Variants in SV2C observed in about 807,000 individuals in gnomAD.
SV2C encodes the protein solute carrier family 22 member B3.
SV2C carries 49 observed loss-of-function variants against 79.7 expected under a neutral mutation model. The observed-to-expected ratio is 0.61, with a 90% CI of 0.49 to 0.78. The LOEUF is 0.78. SV2C is among the 30% of genes least tolerant of loss of function. The pLI is 0.00. For synonymous variants in SV2C, 334 were observed against 333.2 expected, an observed-to-expected ratio of 1.00 and a Z score of -0.03; for missense variants, 833 against 912.9, an observed-to-expected ratio of 0.91 and a Z score of 1.13.
chr5:76,258,446 G>C lies in SV2C; in HGVS notation c.914-26716G>C, dbSNP rs376020854. Among the ~76,000 whole-genome samples, 28 of 152,268 alleles carry C rather than the reference G, an allele frequency of 1.8e-4. No individual in the cohort carries two copies. In the South Asian group the frequency reaches 5.4e-3, roughly 29 times the overall value. On this transcript the variant is annotated intron_variant, in intron 4 of 12. Coordinates refer to ENST00000502798, the MANE Select transcript of SV2C (RefSeq NM_014979.4). ...GTTGGTGAGAGCTTGATGATGGCCA[G>C]AGATGGCTAGAAGGAGCTTGACCTT...
chr5:75,896,845 T>C, the SV2C span, among the ~76,000 whole-genome samples: 2 of 148,720 alleles, frequency 1.3e-5, no homozygotes, highest in Non-Finnish European at 2.9e-5. Context: ...TTCATGTGTT[T>C]TTTGGCTGCA....
the SV2C span, among the ~76,000 whole-genome samples, chr5:75,882,160 G>T: frequency 1.3e-5 from 2 of 150,382 alleles, no homozygotes; most frequent in Non-Finnish European, 2.9e-5. Context: ...ACTTGATCAT[G>T]GTGGATAAGC....
intron 1 of SV2C, among the ~76,000 whole-genome samples, chr5:76,105,089 G>A (rs1190423648): frequency 6.6e-6 from 1 of 152,116 alleles, no homozygotes; most frequent in Non-Finnish European, 1.5e-5. Flanking sequence ...GATGAAGGTG[G>A]GCCGTAAATC....
At chr5:76,039,581 C>T in the SV2C span, among the ~76,000 whole-genome samples, 1 of 151,936 alleles carries the variant, frequency 6.6e-6, no homozygotes, top group Admixed American at 6.6e-5. Context: ...CATGGTGAAA[C>T]CCTGTCTCTA....
chr5:75,986,565 C>T, the SV2C span, among the ~76,000 whole-genome samples: 1 of 151,906 alleles, frequency 6.6e-6, no homozygotes, highest in Non-Finnish European at 1.5e-5. Flanking sequence ...GTTTTTAAGC[C>T]ACTAAGTTTG....
At chr5:75,962,649 T>A in the SV2C span, among the ~76,000 whole-genome samples, 179 of 152,232 alleles carry the variant, frequency 1.2e-3, no homozygotes, top group African/African-American at 4.1e-3. Context: ...GCAAAAAGTT[T>A]CAGAGCTAAT....
rs749242644 is a variant in SV2C, at chr5:76,131,952, G to A, written c.202G>A (p.Glu68Lys). Residue 68 changes from glutamate to lysine, a missense_variant, in exon 2 of 13, where the codon GAG (glutamate) becomes AAG (lysine). Coordinates refer to ENST00000502798, the MANE Select transcript of SV2C (RefSeq NM_014979.4). Reference protein sequence around the residue: ...YYPAGETYNGEANDDEGSSEA... With the variant: ...YYPAGETYNGKANDDEGSSEA... ...CCCGGCTGGAGAAACCTATAATGGT[G>A]AGGCCAACGATGACGAAGGCTCAAG... The A allele has an allele frequency of 1.1e-5, 18 of 1,613,908 alleles. No individual in the cohort carries two copies. The highest frequency in any genetic ancestry group is 1.1e-5 in the Non-Finnish European group (13 of 1,179,982).
At chr5:76,052,685 G>C in the SV2C span, among the ~76,000 whole-genome samples, 2 of 152,136 alleles carry the variant, frequency 1.3e-5, no homozygotes, top group African/African-American at 4.8e-5. Context: ...CTCTAAGTGG[G>C]TCCTGACCAA....
intron 3 of SV2C, among the ~76,000 whole-genome samples, chr5:76,196,605 G>T (rs538283241): frequency 2.0e-5 from 3 of 152,288 alleles, no homozygotes; most frequent in African/African-American, 7.2e-5. Context: ...CAGTGAGTAG[G>T]TCCATAGGAT....
downstream of SV2C, among the ~76,000 whole-genome samples, chr5:76,334,805 T>C (rs1211206505): frequency 1.3e-5 from 2 of 152,180 alleles, no homozygotes; most frequent in Admixed American, 6.5e-5. Flanking sequence ...ATAATTACCA[T>C]AACTGGCTTA....
At chr5:76,324,806 T>C (rs1251604561) in intron 12 of SV2C, among the ~76,000 whole-genome samples, 7 of 152,092 alleles carry the variant, frequency 4.6e-5, no homozygotes, top group African/African-American at 1.4e-4. Flanking sequence ...CAGTGAGTTA[T>C]CATTGTACCA....
intron 2 of SV2C, among the ~76,000 whole-genome samples, chr5:76,166,082 C>T (rs1193483178): frequency 6.6e-6 from 1 of 152,178 alleles, no homozygotes; most frequent in Non-Finnish European, 1.5e-5. Context: ...TTAGGGGACA[C>T]TGTTCTCCTG....
the SV2C span, among the ~76,000 whole-genome samples, chr5:75,990,634 A>G: frequency 6.6e-6 from 1 of 151,898 alleles, no homozygotes; most frequent in African/African-American, 2.4e-5. Flanking sequence ...TCAAAGTGGG[A>G]CCTCTACCCA....
intron 8 of SV2C, 150 bp from the exon 9 acceptor site, chr5:76,295,628 A>T: frequency 1.5e-6 from 1 of 656,280 alleles, no homozygotes; most frequent in Non-Finnish European, 2.4e-6. Flanking sequence ...GGAGAGGGAC[A>T]CATGGATTGC....
the SV2C span, among the ~76,000 whole-genome samples, chr5:75,880,880 A>G: frequency 6.6e-6 from 1 of 152,170 alleles, no homozygotes; most frequent in African/African-American, 2.4e-5. Flanking sequence ...TTTATAAAGA[A>G]CAGAGGTTTA....
At chr5:76,107,574 A>G (rs1278138095) in intron 1 of SV2C, among the ~76,000 whole-genome samples, 3 of 152,224 alleles carry the variant, frequency 2.0e-5, no homozygotes, top group Admixed American at 6.5e-5. Context: ...AAAAAAGGCA[A>G]TCGTCTTGGC....
downstream of SV2C, among the ~76,000 whole-genome samples, chr5:76,335,414 CTTTTTTTTTTTT>C (rs869230352): frequency 7.1e-5 from 7 of 98,124 alleles, no homozygotes; most frequent in South Asian, 1.9e-3. Flanking sequence ...ACACATTTTC[CTTTTTTTTTTTT>C]TTTTTTTTTT....
chr5:75,976,149 G>A, the SV2C span, among the ~76,000 whole-genome samples: 2 of 152,116 alleles, frequency 1.3e-5, no homozygotes, highest in Non-Finnish European at 2.9e-5. Flanking sequence ...GAATTAATAT[G>A]TTTGTTTAAT....
chr5:75,910,384 CCACT>C, the SV2C span: 14,162 of 578,544 alleles, frequency 0.024, 257 homozygotes, highest in South Asian at 0.042. Flanking sequence ...CATGACTATC[CCACT>C]CACTGCTGTA....
Sources: allele counts gnomAD v4.1 joint callset (sites outside exome capture counted in the v4.1 genomes callset), GRCh38; gene constraint gnomAD v4.1.1; transcripts MANE v1.5; gene names NCBI Gene and HGNC (gene_info 2026-07-23, HGNC 2026-07-21).